The following KCNH1 variants were observed in gnomAD, a reference collection of about 807,000 sequenced individuals.
KCNH1 encodes the protein voltage-gated delayed rectifier potassium channel KCNH1.
In KCNH1, 27 loss-of-function variants were observed where a neutral mutation model predicts 69.2. That is an observed-to-expected ratio of 0.39 (90% CI 0.29 to 0.54). The LOEUF is 0.54. KCNH1 is among the 20% of genes least tolerant of loss of function. The probability of loss-of-function intolerance (pLI) is 0.68; values close to 1 mark genes in which losing one functional copy is unlikely to be tolerated. For missense variants in KCNH1, 798 were observed against 1,261.6 expected (o/e 0.63, Z 5.57); for synonymous variants, 456 against 487.7 (o/e 0.93, Z 0.86).
chr1:210,799,088 T>C (rs953165232), intron 8 of KCNH1, among the ~76,000 whole-genome samples: 2 of 151,856 alleles, frequency 1.3e-5, no homozygotes, highest in African/African-American at 4.8e-5. Context: ...AATTTAGTGG[T>C]AAGTGCTTAA....
At chr1:210,906,192 C>G (rs567434654) in intron 7 of KCNH1, among the ~76,000 whole-genome samples, 2 of 152,320 alleles carry the variant, frequency 1.3e-5, no homozygotes, top group African/African-American at 4.8e-5. Context: ...CCTCAAGCCT[C>G]GTGCTCGGCT....
chr1:211,036,324 C>T (rs184349458), intron 5 of KCNH1, among the ~76,000 whole-genome samples: 1 of 152,038 alleles, frequency 6.6e-6, no homozygotes, highest in African/African-American at 2.4e-5. Flanking sequence ...ATCTGGGAGG[C>T]CTGATGGTTG....
At chr1:210,829,323 C>T (rs1294143402) in intron 7 of KCNH1, among the ~76,000 whole-genome samples, 1 of 152,124 alleles carries the variant, frequency 6.6e-6, no homozygotes, top group Non-Finnish European at 1.5e-5. Flanking sequence ...GTTCTAGTAC[C>T]AACAATGTCT....
chr1:210,901,277 G>A (rs984092269), intron 7 of KCNH1, among the ~76,000 whole-genome samples: 1 of 152,008 alleles, frequency 6.6e-6, no homozygotes, highest in African/African-American at 2.4e-5. Flanking sequence ...TCATCACCTG[G>A]TCTTGTTGGT....
At chr1:210,936,486 G>A in intron 6 of KCNH1, among the ~76,000 whole-genome samples, 1 of 152,060 alleles carries the variant, frequency 6.6e-6, no homozygotes. Context: ...GTGCTATTTG[G>A]CACTCAAAAC....
intron 6 of KCNH1, among the ~76,000 whole-genome samples, chr1:210,966,868 A>G (rs967709882): frequency 6.6e-6 from 1 of 152,238 alleles, no homozygotes; most frequent in Admixed American, 6.5e-5. Flanking sequence ...ATTAATGGGT[A>G]CATACCCAAA....
intron 5 of KCNH1, among the ~76,000 whole-genome samples, chr1:211,069,125 T>C (rs910203188): frequency 6.6e-6 from 1 of 152,098 alleles, no homozygotes; most frequent in Non-Finnish European, 1.5e-5. Flanking sequence ...AACTAACTGA[T>C]TGGAGGAAAG....
intron 7 of KCNH1, among the ~76,000 whole-genome samples, chr1:210,911,583 C>A (rs1687231373): frequency 7.2e-6 from 1 of 138,120 alleles, no homozygotes. Context: ...GAACTTGCCA[C>A]ATCAGATATA....
intron 7 of KCNH1, among the ~76,000 whole-genome samples, chr1:210,844,062 T>A (rs1215041338): frequency 6.6e-6 from 1 of 152,206 alleles, no homozygotes; most frequent in African/African-American, 2.4e-5. Flanking sequence ...CAGCAACTGG[T>A]GCCCTTAGGG....
At chr1:210,734,440 C>G (rs1163044895) in intron 10 of KCNH1, among the ~76,000 whole-genome samples, 3 of 152,176 alleles carry the variant, frequency 2.0e-5, no homozygotes, top group African/African-American at 4.8e-5. Context: ...AGGCCCAGCT[C>G]AGGGCCCATA....
chr1:211,002,198 A>G (rs1689196259), intron 6 of KCNH1, among the ~76,000 whole-genome samples: 2 of 152,020 alleles, frequency 1.3e-5, no homozygotes, highest in South Asian at 4.2e-4. Flanking sequence ...AAAGTATAAT[A>G]ATAATAAAAA....
Position 210,886,676 on chromosome 1 carries a change from G to A in KCNH1, c.1462+32964C>T, listed in dbSNP as rs116091986. On this transcript the variant is annotated intron_variant, in intron 7 of 10. Transcript: ENST00000271751. ...AAAAAGTTGGATGAATTGCTAACTAGAATAACAAGTTTAGAGAAAAATATA... is the reference window on the plus strand; with the variant it reads ...AAAAAGTTGGATGAATTGCTAACTAAAATAACAAGTTTAGAGAAAAATATA... Among the ~76,000 whole-genome samples, 816 of 152,054 alleles carry A rather than the reference G, an allele frequency of 5.4e-3. 8 individuals are homozygous for A. Among genetic ancestry groups the A allele is most frequent in the African/African-American group, 0.019 (781 of 41,476 alleles).
intron 2 of KCNH1, among the ~76,000 whole-genome samples, chr1:211,105,107 CTTA>C (rs1313302328): frequency 6.6e-6 from 1 of 152,188 alleles, no homozygotes; most frequent in African/African-American, 2.4e-5. Context: ...TGTGGTTGTC[CTTA>C]CGCACTCATG....
At chr1:211,064,957 A>T (rs777115366) in intron 5 of KCNH1, among the ~76,000 whole-genome samples, 3 of 152,224 alleles carry the variant, frequency 2.0e-5, no homozygotes, top group African/African-American at 4.8e-5. Context: ...CATCTGTTAA[A>T]ATGACTATTA....
intron 7 of KCNH1, among the ~76,000 whole-genome samples, chr1:210,841,703 T>G (rs1685414421): frequency 6.6e-6 from 1 of 152,130 alleles, no homozygotes; most frequent in Non-Finnish European, 1.5e-5. Flanking sequence ...AATCTCTTAT[T>G]TTAACATGGG....
intron 3 of KCNH1, among the ~76,000 whole-genome samples, chr1:211,101,592 G>T (rs1304142072): frequency 6.6e-6 from 1 of 152,098 alleles, no homozygotes; most frequent in African/African-American, 2.4e-5. Context: ...CCAGACCATG[G>T]TCCATGGAGG....
At chr1:210,990,454 C>T (rs1001110707) in intron 6 of KCNH1, among the ~76,000 whole-genome samples, 15 of 152,048 alleles carry the variant, frequency 9.9e-5, no homozygotes, top group African/African-American at 3.6e-4. Flanking sequence ...GCAGGGTGCC[C>T]AAAGGTCAAG....
At chr1:210,957,057 A>G (rs1348701834) in intron 6 of KCNH1, among the ~76,000 whole-genome samples, 1 of 152,200 alleles carries the variant, frequency 6.6e-6, no homozygotes, top group Non-Finnish European at 1.5e-5. Flanking sequence ...ACTTAGTGCT[A>G]TAAATTTCCC....
intron 7 of KCNH1, among the ~76,000 whole-genome samples, chr1:210,879,701 G>C (rs1686453904): frequency 6.6e-6 from 1 of 152,032 alleles, no homozygotes; most frequent in Non-Finnish European, 1.5e-5. Flanking sequence ...TAGGAACAAG[G>C]TAAGTATGTC....
Sources: gnomAD v4.1 joint callset for allele counts (sites outside exome capture counted in the v4.1 genomes callset) on GRCh38, gnomAD v4.1.1 for gene constraint, MANE v1.5 for transcripts, NCBI Gene and HGNC (gene_info 2026-07-23, HGNC 2026-07-21) for gene names.